Variants in PCDHGB3 observed in about 807,000 individuals in gnomAD.
The protein encoded by PCDHGB3 is protocadherin gamma subfamily B, 3, also known as protocadherin gamma-B3.
PCDHGB3 carries 40 observed loss-of-function variants against 59.2 expected under a neutral mutation model. That is an observed-to-expected ratio of 0.68 (90% CI 0.52 to 0.88). The LOEUF (loss-of-function observed/expected upper bound fraction) is 0.88, where lower values mean the gene tolerates loss of function less well. Ranked by LOEUF, PCDHGB3 falls within the 40% of genes least tolerant of loss-of-function variation. PCDHGB3 has a pLI of 0.00. For synonymous variants in PCDHGB3, 581 were observed against 503.6 expected (o/e 1.15, Z -2.06); for missense variants, 1,309 against 1,187.9 (o/e 1.10, Z -1.50).
intron 1 of PCDHGB3, among the ~76,000 whole-genome samples, chr5:141,456,843 A>G (rs2098891742): frequency 6.6e-6 from 1 of 152,030 alleles, no homozygotes. Context: ...GGCGCCTGTA[A>G]TCCCAGCTAA....
rs574950493 is a variant in PCDHGB3 at position 141,375,596 on chromosome 5, G to A, written c.2415+2787G>A. 12 of 1,613,990 alleles carry A rather than the reference G, an allele frequency of 7.4e-6. No individual in the cohort carries two copies. The Admixed American group carries it at 1.2e-4, about 16-fold the overall frequency. On this transcript the variant is annotated intron_variant, in intron 1 of 3. Coordinates refer to ENST00000576222, the MANE Select transcript of PCDHGB3 (RefSeq NM_018924.5). ...CCAGGGGGCGCCCCTGTCCTCCTAC[G>A]TGTCCATCAACTCCGACACTGGGAT...
rs1381793721 is a variant in PCDHGB3 at position 141,372,083 on chromosome 5, G to A, written c.1689G>A (p.Leu563=). Residue 563 remains leucine, a synonymous_variant, in exon 1 of 4, where the codon CTG becomes CTA. Transcript: ENST00000576222. ...DDRNDNAPLV[L]YPALGPEGSA... ...GCAACGACAATGCACCGCTGGTGCTGTACCCAGCTCTGGGGCCCGAAGGCT... is the reference window on the plus strand; with the variant it reads ...GCAACGACAATGCACCGCTGGTGCTATACCCAGCTCTGGGGCCCGAAGGCT... 2 of 1,613,756 alleles carry A rather than the reference G, an allele frequency of 1.2e-6. No individual in the cohort carries two copies. The highest frequency in any genetic ancestry group is 8.5e-7 in the Non-Finnish European group (1 of 1,179,902).
chr5:141,403,189 G>A (rs1234686339), intron 1 of PCDHGB3: 2 of 1,613,860 alleles, frequency 1.2e-6, no homozygotes, highest in South Asian at 1.1e-5. Flanking sequence ...CTCTGAACCC[G>A]CGCAGCGGCA....
chr5:141,399,886 G>T, intron 1 of PCDHGB3: 1 of 1,612,706 alleles, frequency 6.2e-7, no homozygotes, highest in Non-Finnish European at 8.5e-7. Flanking sequence ...GGTGACCAAG[G>T]TAGTGGCCGT....
At chr5:141,430,979 C>A (rs370494413) in intron 1 of PCDHGB3, 2 of 1,613,642 alleles carry the variant, frequency 1.2e-6, no homozygotes, top group Non-Finnish European at 1.7e-6. Context: ...TAGGACGCAG[C>A]TTTTCGCCCT....
At chr5:141,478,500 T>G in intron 1 of PCDHGB3, 1 of 1,612,740 alleles carries the variant, frequency 6.2e-7, no homozygotes, top group Non-Finnish European at 8.5e-7. Flanking sequence ...TGTGATCCGG[T>G]GTTCTATAGG....
intron 1 of PCDHGB3, among the ~76,000 whole-genome samples, chr5:141,434,054 C>T (rs1241950753): frequency 6.6e-6 from 1 of 152,094 alleles, no homozygotes; most frequent in Non-Finnish European, 1.5e-5. Flanking sequence ...ATTCAATGGC[C>T]TGTAATCTGT....
rs1464333099 is a variant in PCDHGB3, at chr5:141,371,888, G to A, written c.1494G>A (p.Pro498=). 2 of 1,613,438 alleles carry A rather than the reference G, an allele frequency of 1.2e-6. No homozygotes were observed. Among genetic ancestry groups the A allele is most frequent in the South Asian group, 2.2e-5 (2 of 91,090 alleles). The change falls in exon 1 of 4, where the codon CCG becomes CCA. Residue 498 remains proline, a synonymous_variant. Coordinates refer to ENST00000576222, the MANE Select transcript of PCDHGB3 (RefSeq NM_018924.5). The stretch of plus-strand genomic sequence containing the variant: ...ACATCGTGGCCAGTGACCTGGAGCC[G>A]CGGGAGCTGTCGTCCTACGTGTCCG... ...SYYIVASDLE[P]RELSSYVSVS...
intron 1 of PCDHGB3, chr5:141,392,660 C>A: frequency 1.3e-6 from 1 of 797,246 alleles, no homozygotes; most frequent in Non-Finnish European, 1.9e-6. Flanking sequence ...GCAGATGCCA[C>A]AAACTAACTG....
intron 1 of PCDHGB3, chr5:141,416,685 A>T (rs1292141199): frequency 1.3e-5 from 2 of 152,384 alleles, no homozygotes; most frequent in East Asian, 3.9e-4. Flanking sequence ...AAGGGAAATT[A>T]TATAAACAAA....
At chr5:141,384,379 G>A (rs1780024386) in intron 1 of PCDHGB3, 2 of 1,613,934 alleles carry the variant, frequency 1.2e-6, no homozygotes, top group Non-Finnish European at 8.5e-7. Context: ...CTTGGCCGAA[G>A]ACACCATCCA....
intron 1 of PCDHGB3, chr5:141,384,186 T>A: frequency 6.2e-7 from 1 of 1,613,730 alleles, no homozygotes; most frequent in Non-Finnish European, 8.5e-7. Flanking sequence ...ATGGTGGAAC[T>A]CCTCCCTTGT....
intron 1 of PCDHGB3, among the ~76,000 whole-genome samples, chr5:141,474,082 C>CA (rs1449032579): frequency 1.3e-5 from 2 of 152,064 alleles, no homozygotes; most frequent in African/African-American, 4.8e-5. Context: ...AAACAAAAAC[C>CA]AAAAAACAAA....
At chr5:141,505,028 G>A (rs2099842951) in intron 2 of PCDHGB3, among the ~76,000 whole-genome samples, 1 of 152,164 alleles carries the variant, frequency 6.6e-6, no homozygotes, top group Admixed American at 6.5e-5. Flanking sequence ...CTGGCACAGT[G>A]GCAGGTGCCT....
intron 1 of PCDHGB3, chr5:141,378,346 A>T (rs761383288): frequency 2.0e-5 from 3 of 152,252 alleles, no homozygotes; most frequent in Non-Finnish European, 2.9e-5. Context: ...AACATGGTGA[A>T]ACCCCGTCTC....
At chr5:141,408,856 G>T in intron 1 of PCDHGB3, 1 of 1,613,518 alleles carries the variant, frequency 6.2e-7, no homozygotes, top group Non-Finnish European at 8.5e-7. Flanking sequence ...TGGACGGAGG[G>T]GACCCACCAA....
intron 1 of PCDHGB3, among the ~76,000 whole-genome samples, chr5:141,483,638 G>A (rs1159840764): frequency 1.4e-5 from 2 of 147,222 alleles, no homozygotes; most frequent in South Asian, 2.1e-4. Flanking sequence ...AGGTATAGAG[G>A]GGTGTGTGTT....
chr5:141,384,999 C>A, intron 1 of PCDHGB3: 1 of 1,614,144 alleles, frequency 6.2e-7, no homozygotes, highest in Non-Finnish European at 8.5e-7. Flanking sequence ...TGGCCACAGT[C>A]TCCTGCGTCT....
intron 1 of PCDHGB3, among the ~76,000 whole-genome samples, chr5:141,456,544 G>C (rs1020609068): frequency 6.6e-6 from 1 of 152,192 alleles, no homozygotes; most frequent in Non-Finnish European, 1.5e-5. Context: ...AGGGATTGTA[G>C]CCACTCGGGG....
Sources: allele counts gnomAD v4.1 joint callset (sites outside exome capture counted in the v4.1 genomes callset), GRCh38; gene constraint gnomAD v4.1.1; transcripts MANE v1.5; gene names NCBI Gene and HGNC (gene_info 2026-07-23, HGNC 2026-07-21).